Variants in RAD51C observed in about 807,000 individuals in gnomAD.
RAD51C encodes the protein DNA repair protein RAD51 homolog 3.
A neutral mutation model predicts 45.0 loss-of-function variants in RAD51C; 42 were observed. That is an observed-to-expected ratio of 0.93 (90% CI 0.73 to 1.21). The LOEUF (loss-of-function observed/expected upper bound fraction) is 1.21, where lower values mean the gene tolerates loss of function less well. RAD51C is among the 50% of genes most tolerant of loss of function. RAD51C has a pLI of 0.00. For missense variants in RAD51C, 474 were observed against 452.2 expected (o/e 1.05, Z -0.44); for synonymous variants, 172 against 159.8 (o/e 1.08, Z -0.58).
At chr17:58,700,733 C>T (rs999284113) in intron 3 of RAD51C, among the ~76,000 whole-genome samples, 2 of 152,092 alleles carry the variant, frequency 1.3e-5, no homozygotes, top group Non-Finnish European at 2.9e-5. Context: ...AGCCACCACA[C>T]CTGGCCTAAA....
chr17:58,703,469 TTATTTA>T, intron 4 of RAD51C, 140 bp downstream of exon 4: 2 of 806,806 alleles, frequency 2.5e-6, no homozygotes, highest in Non-Finnish European at 3.8e-6. Context: ...GACCTACAAT[TTATTTA>T]TATTTATATT....
intron 6 of RAD51C, among the ~76,000 whole-genome samples, 158 bp downstream of exon 6, chr17:58,720,970 T>C (rs1402587666): frequency 6.6e-6 from 1 of 152,208 alleles, no homozygotes; most frequent in Non-Finnish European, 1.5e-5. Flanking sequence ...TAGATACTGA[T>C]TGTTCCTTTT....
intron 7 of RAD51C, among the ~76,000 whole-genome samples, chr17:58,727,621 A>G (rs1228788661): frequency 6.6e-6 from 1 of 152,122 alleles, no homozygotes; most frequent in African/African-American, 2.4e-5. Flanking sequence ...TGTAATCAAA[A>G]TAAATTGACC....
intron 5 of RAD51C, among the ~76,000 whole-genome samples, chr17:58,718,142 G>T (rs769654018): frequency 3.3e-5 from 5 of 151,994 alleles, no homozygotes; most frequent in Non-Finnish European, 5.9e-5. Context: ...GGTTACAGGT[G>T]CCCGCCCCAA....
At chr17:58,708,869 G>GAATTACTTTTTTA (rs2143842251) in intron 4 of RAD51C, among the ~76,000 whole-genome samples, 1 of 149,534 alleles carries the variant, frequency 6.7e-6, no homozygotes, top group East Asian at 2.0e-4. Context: ...CGCCCAGCCT[G>GAATTACTTTTTTA]AAGGTTTTTT....
intron 8 of RAD51C, 43 bp downstream of exon 8, chr17:58,732,587 C>A (rs750859385): frequency 1.3e-6 from 2 of 1,541,106 alleles, no homozygotes; most frequent in Non-Finnish European, 1.8e-6. Flanking sequence ...TATTGATGGG[C>A]GGTAATTATC....
At chr17:58,699,460 TGGA>T (rs779897562) in intron 3 of RAD51C, among the ~76,000 whole-genome samples, 66 of 152,204 alleles carry the variant, frequency 4.3e-4, no homozygotes, top group Middle Eastern at 3.4e-3. Flanking sequence ...TTTTTTTTCA[TGGA>T]GGTACTAAGT....
In RAD51C at chr17:58,733,022, A is replaced by G. The variant is rs28363332; in HGVS notation, c.1026+478A>G. On this transcript the variant is annotated intron_variant, in intron 8 of 8. Coordinates refer to ENST00000337432, the MANE Select transcript of RAD51C (RefSeq NM_058216.3). ...GTGTTGAGCCAAATATATTTTTGGC[A>G]TCTCTTTTTTTTTGAGATGGAGTCT... is the stretch of plus-strand genomic sequence containing the variant. Among the ~76,000 whole-genome samples, 20 of 152,176 alleles carry G rather than the reference A, an allele frequency of 1.3e-4. No homozygotes were observed. The East Asian group carries it at 3.7e-3, about 28-fold the overall frequency.
intron 3 of RAD51C, among the ~76,000 whole-genome samples, chr17:58,701,755 G>A (rs778517337): frequency 4.0e-5 from 6 of 151,196 alleles, no homozygotes; most frequent in East Asian, 2.0e-4. Flanking sequence ...ATTTTTAGTC[G>A]AGATGTGTTT....
At chr17:58,726,801 A>G (rs1424373210) in intron 7 of RAD51C, among the ~76,000 whole-genome samples, 1 of 152,044 alleles carries the variant, frequency 6.6e-6, no homozygotes, top group Non-Finnish European at 1.5e-5. Context: ...TATTATCTAC[A>G]TTTTATAGCT....
intron 5 of RAD51C, among the ~76,000 whole-genome samples, chr17:58,720,210 G>A (rs1279216158): frequency 2.0e-5 from 3 of 149,796 alleles, no homozygotes; most frequent in Non-Finnish European, 3.0e-5. Context: ...TCAGGAGATC[G>A]CGACCATCCT....
At chr17:58,717,477 G>T (rs1372437433) in intron 5 of RAD51C, among the ~76,000 whole-genome samples, 1 of 151,940 alleles carries the variant, frequency 6.6e-6, no homozygotes, top group Admixed American at 6.6e-5. Flanking sequence ...GGTGGCTCAT[G>T]CCTGTAATCC....
chr17:58,706,759 T>TA (rs1476259229), intron 4 of RAD51C, among the ~76,000 whole-genome samples: 1 of 152,238 alleles, frequency 6.6e-6, no homozygotes, highest in Non-Finnish European at 1.5e-5. Flanking sequence ...CTTTCCCACT[T>TA]ACTCTGTCCT....
chr17:58,710,408 G>A (rs1197323877), intron 5 of RAD51C, among the ~76,000 whole-genome samples: 1 of 148,258 alleles, frequency 6.7e-6, no homozygotes, highest in African/African-American at 2.5e-5. Context: ...TGAGGTAGGA[G>A]AATCACTTGA....
At chr17:58,728,211 C>G (rs2049250364) in intron 7 of RAD51C, among the ~76,000 whole-genome samples, 2 of 149,564 alleles carry the variant, frequency 1.3e-5, no homozygotes, top group South Asian at 4.2e-4. Context: ...CACCACTGCA[C>G]TCCAGCCTGG....
At chr17:58,698,662 G>A (rs1174675515) in intron 3 of RAD51C, among the ~76,000 whole-genome samples, 3 of 151,354 alleles carry the variant, frequency 2.0e-5, no homozygotes, top group East Asian at 2.0e-4. Flanking sequence ...TTTATAGGCC[G>A]GGTGCAGTGT....
chr17:58,735,152 T>C lies in RAD51C; in HGVS notation c.*930T>C, dbSNP rs929586023. 31 of 152,174 alleles carry C rather than the reference T, an allele frequency of 2.0e-4. No homozygotes were observed. Among genetic ancestry groups the C allele is most frequent in the African/African-American group, 7.2e-4 (30 of 41,456 alleles). 9.4% of individuals were successfully genotyped at this position (152,174 alleles called of 1,614,324 possible). A position where few individuals can be genotyped will look rare whatever the true frequency, so the allele number is the denominator to read the frequency against. On this transcript the variant is annotated 3_prime_UTR_variant, in exon 9 of 9. Coordinates refer to ENST00000337432, the MANE Select transcript of RAD51C (RefSeq NM_058216.3). ...TCATCTAGAGATTGTTTGGAACATA[T>C]GTCTTCCAGAATAGGTTGATAAGCT... is the stretch of plus-strand genomic sequence containing the variant.
intron 6 of RAD51C, among the ~76,000 whole-genome samples, chr17:58,722,698 C>T (rs1032620668): frequency 1.3e-5 from 2 of 152,136 alleles, no homozygotes; most frequent in Non-Finnish European, 2.9e-5. Flanking sequence ...TCAACGTAGA[C>T]CACTTCTGTA....
intron 3 of RAD51C, among the ~76,000 whole-genome samples, chr17:58,698,085 C>T (rs1157064189): frequency 6.6e-6 from 1 of 151,848 alleles, no homozygotes; most frequent in Non-Finnish European, 1.5e-5. Context: ...GATCTCGGCT[C>T]ACTGCAGCCT....
Sources: allele counts gnomAD v4.1 joint callset (sites outside exome capture counted in the v4.1 genomes callset), GRCh38; gene constraint gnomAD v4.1.1; transcripts MANE v1.5; gene names NCBI Gene and HGNC (gene_info 2026-07-23, HGNC 2026-07-21).